The following ANPEP variants were observed in gnomAD, a reference collection of about 807,000 sequenced individuals.
ANPEP encodes alanyl aminopeptidase, membrane, also known as aminopeptidase N.
Under a neutral mutation model 114.6 loss-of-function variants are expected in ANPEP, and 70 were observed. The observed-to-expected ratio is 0.61, with a 90% CI of 0.50 to 0.75. The LOEUF (loss-of-function observed/expected upper bound fraction) is 0.75. Among genes scored for constraint, ANPEP ranks in the 30% least tolerant of loss-of-function variants. ANPEP has a pLI of 0.00. For missense variants in ANPEP, 1,184 were observed against 1,259.5 expected, an observed-to-expected ratio of 0.94 and a Z score of 0.91; for synonymous variants, 548 against 522.3, an observed-to-expected ratio of 1.05 and a Z score of -0.67.
At position 89,799,748 on chromosome 15, in the gene ANPEP, T is replaced by C. The variant is rs1894549562; in HGVS notation, c.1820-189A>G. On this transcript the variant is annotated intron_variant, in intron 12 of 20. Transcript: ENST00000300060. This position sits in a 1 kb window ranked among gnomAD's most constrained non-coding sequence, Gnocchi z 4.2. ...AGTGGCTTCACAGACCATCAACCCA[T>C]GAAGATGACATGCCACCCCAAACCT... 6.6e-6 allele frequency among the ~76,000 whole-genome samples: 1 copy of C among 152,140 alleles called. No individual in the cohort carries two copies. The highest frequency in any genetic ancestry group is 2.1e-4 in the South Asian group (1 of 4,830).
At chr15:89,811,539 G>A (rs1291391104) in intron 1 of ANPEP, among the ~76,000 whole-genome samples, 3 of 151,766 alleles carry the variant, frequency 2.0e-5, no homozygotes, top group African/African-American at 7.3e-5. Flanking sequence ...CCAACTACTC[G>A]GGAGGCTGAG....
chr15:89,790,512 T>A lies in ANPEP; in HGVS notation c.2699A>T (p.Asn900Ile), dbSNP rs757565877. The A allele has an allele frequency of 2.4e-5, 38 of 1,613,326 alleles. No individual in the cohort carries two copies. The highest frequency in any genetic ancestry group is 3.1e-5 in the Non-Finnish European group (36 of 1,179,786). Residue 900 changes from asparagine to isoleucine, a missense_variant, in exon 20 of 21, where the codon AAC becomes ATC. Transcript: ENST00000300060. Reference protein sequence around the residue: ...DYGGGSFSFSNLIQAVTRRFS... With the variant: ...DYGGGSFSFSILIQAVTRRFS... ...TCGTCGTGTCACTGCCTGGATGAGG[T>A]TGGAGAAGGAGAACGAGCCACCACC...
chr15:89,785,916 G>A (rs1021281796), intron 20 of ANPEP, among the ~76,000 whole-genome samples: 2 of 152,128 alleles, frequency 1.3e-5, no homozygotes, highest in Admixed American at 6.5e-5. Flanking sequence ...AGTCCTGGAG[G>A]TTCTAGCCAG....
chr15:89,801,367 T>C (rs1894585980), intron 11 of ANPEP, 68 bp downstream of exon 11: 1 of 1,586,822 alleles, frequency 6.3e-7, no homozygotes, highest in Admixed American at 1.7e-5. Flanking sequence ...CCAGTCCTAC[T>C]ATGGTCCCTT....
intron 20 of ANPEP, among the ~76,000 whole-genome samples, chr15:89,789,486 T>C (rs1482700958): frequency 6.6e-6 from 1 of 152,070 alleles, no homozygotes; most frequent in Non-Finnish European, 1.5e-5. Flanking sequence ...TAAGAATCCC[T>C]TTATTGCTGG....
chr15:89,794,248 C>T (rs1345503488), intron 15 of ANPEP, among the ~76,000 whole-genome samples: 3 of 152,108 alleles, frequency 2.0e-5, no homozygotes, highest in African/African-American at 7.2e-5. Context: ...CTTTGGGAGG[C>T]TGAGGCGGGC....
chr15:89,804,838 C>T, intron 4 of ANPEP: 1 of 812,838 alleles, frequency 1.2e-6, no homozygotes. Flanking sequence ...ATCATCATAG[C>T]CACCGTCTGT....
Position 89,803,924 on chromosome 15 carries a change from G to T in ANPEP, c.1258C>A (p.Leu420Met). ...NEGFASYVEY[L>M]GADYAEPTWN... ...GTGGGCTCCGCATAGTCAGCACCCAGGTACTCCACGTAGGAGGCGAAGCCC... is the reference window on the plus strand; with the variant it reads ...GTGGGCTCCGCATAGTCAGCACCCATGTACTCCACGTAGGAGGCGAAGCCC... The change falls in exon 7 of 21, where the codon CTG (leucine) becomes ATG (methionine). Residue 420 changes from leucine (L) to methionine (M), a missense_variant. Coordinates refer to ENST00000300060, the MANE Select transcript of ANPEP (RefSeq NM_001150.3). This position sits in a 1 kb window ranked among gnomAD's most constrained non-coding sequence, Gnocchi z 4.2. 1.2e-6 allele frequency: 2 copies of T among 1,614,174 alleles called. No individual in the cohort carries two copies. Among genetic ancestry groups the T allele is most frequent in the Non-Finnish European group, 1.7e-6 (2 of 1,180,014 alleles).
intron 1 of ANPEP, among the ~76,000 whole-genome samples, chr15:89,810,088 A>T (rs1404285405): frequency 6.6e-6 from 1 of 152,038 alleles, no homozygotes; most frequent in Non-Finnish European, 1.5e-5. Flanking sequence ...ACTTAGGAAA[A>T]TGCCACTGAG....
Position 89,787,095 on chromosome 15 carries a change from G to C in ANPEP, c.2752-1594C>G, listed in dbSNP as rs578087203. On this transcript the variant is annotated intron_variant, in intron 20 of 20. Transcript: ENST00000300060. ...GAGTCTTGCTCTGTCATCCAGGCTA[G>C]AGTGCAGTGGTGCGATCTCAGCTCA... 6.1e-5 allele frequency among the ~76,000 whole-genome samples: 8 copies of C among 131,566 alleles called. No individual in the cohort carries two copies. The East Asian group carries it at 1.9e-3, about 31-fold the overall frequency. 86.3% of individuals were successfully genotyped at this position (131,566 alleles called of 152,430 possible). A position where few individuals can be genotyped will look rare whatever the true frequency, so the allele number is the denominator to read the frequency against.
At chr15:89,798,649 C>T (rs1031714742) in intron 14 of ANPEP, among the ~76,000 whole-genome samples, 4 of 149,856 alleles carry the variant, frequency 2.7e-5, no homozygotes, top group South Asian at 4.2e-4. Context: ...AAAAAAAAAG[C>T]GGGGGGGCAT....
rs1254830828 is a variant in ANPEP at position 89,799,165 on chromosome 15, G to A, written c.2009+95C>T. The A allele has an allele frequency of 1.4e-6, 2 of 1,448,128 alleles. No homozygotes were observed. Among genetic ancestry groups the A allele is most frequent in the Admixed American group, 1.7e-5 (1 of 57,936 alleles). The allele number at this position is 1,448,128 out of a possible 1,614,324, so 89.7% of individuals were successfully genotyped here. ...CTCAGGGCACAGCACGTGGCATATG[G>A]GAAGGGCAGCAGGAGGAGCAGGGGC... On this transcript the variant is annotated intron_variant, in intron 14 of 20. Transcript: ENST00000300060. This position sits in a 1 kb window ranked among gnomAD's most constrained non-coding sequence, Gnocchi z 4.2.
At chr15:89,810,020 A>G (rs768037694) in intron 1 of ANPEP, among the ~76,000 whole-genome samples, 2 of 151,894 alleles carry the variant, frequency 1.3e-5, no homozygotes, top group Non-Finnish European at 2.9e-5. Context: ...TATCATGCAC[A>G]CCAGCCCCCA....
intron 20 of ANPEP, among the ~76,000 whole-genome samples, chr15:89,786,122 A>C (rs1460892959): frequency 2.0e-5 from 3 of 152,226 alleles, no homozygotes; most frequent in African/African-American, 7.2e-5. Flanking sequence ...GCAATGAAAA[A>C]CCTGAAAATG....
In ANPEP at chr15:89,793,329, A is replaced by T. The variant is rs561351037; in HGVS notation, c.2158-203T>A. On this transcript the variant is annotated intron_variant, in intron 15 of 20. Coordinates refer to ENST00000300060, the MANE Select transcript of ANPEP (RefSeq NM_001150.3). Reference sequence around the variant, plus strand: ...TGAGTTTCTTTCTGCTTAAAGCCTTAGTCAGTTGCAATATTCTTTGTCTAC... The same window carrying T: ...TGAGTTTCTTTCTGCTTAAAGCCTTTGTCAGTTGCAATATTCTTTGTCTAC... 8.8e-5 allele frequency: 44 copies of T among 502,186 alleles called. 1 individual carries two copies. The East Asian group carries it at 1.5e-3, about 17-fold the overall frequency. 31.1% of individuals were successfully genotyped at this position (502,186 alleles called of 1,614,324 possible).
chr15:89,785,175 G>T lies in ANPEP; in HGVS notation c.*174C>A. On this transcript the variant is annotated 3_prime_UTR_variant, in exon 21 of 21. Transcript: ENST00000300060. ...GGCTGGGAGGTGCTCAGGCAGCCTG[G>T]GTCATCAGGAACTAGACTGGCTCAC... The T allele has an allele frequency of 2.4e-6, 2 of 840,226 alleles. No individual in the cohort carries two copies. The highest frequency in any genetic ancestry group is 2.9e-5 in the Admixed American group (1 of 34,592). The allele number at this position is 840,226 out of a possible 1,614,324, so 52.0% of individuals were successfully genotyped here. A position where few individuals can be genotyped will look rare whatever the true frequency, so the allele number is the denominator to read the frequency against.
intron 15 of ANPEP, 182 bp from the exon 16 acceptor site, chr15:89,793,308 T>A (rs1968668231): frequency 1.9e-6 from 1 of 537,110 alleles, no homozygotes; most frequent in Non-Finnish European, 3.3e-6. Flanking sequence ...CTGAGCTGAG[T>A]TTCTTTCTGC....
chr15:89,808,693 G>A (rs1894767329), intron 1 of ANPEP, among the ~76,000 whole-genome samples: 1 of 152,170 alleles, frequency 6.6e-6, no homozygotes, highest in Admixed American at 6.5e-5. Flanking sequence ...CCAGGCCCCA[G>A]CATGTCAGGG....
chr15:89,806,291 C>A lies in ANPEP; in HGVS notation c.293G>T (p.Arg98Met), dbSNP rs1894711955. 1 of 1,614,066 alleles carries A rather than the reference C, an allele frequency of 6.2e-7. No individual in the cohort carries two copies. Among genetic ancestry groups the A allele is most frequent in the Non-Finnish European group, 8.5e-7 (1 of 1,180,044 alleles). The change falls in exon 2 of 21, where the codon AGG becomes ATG. Residue 98 changes from arginine to methionine, a missense_variant. By Grantham distance (91) the Arg-to-Met change is moderately conservative. Transcript: ENST00000300060. The surrounding 1 kb of genome is among the most constrained non-coding windows in gnomAD (Gnocchi z 5.7). ...GGAGCCCTTAAAAACGTACAGGCCC[C>A]TGTCATTGGGGGTGAGGTACGGTCT... The part of the protein sequence containing the change: ...TLRPYLTPND[R>M]GLYVFKGSST...
Sources: gnomAD v4.1 joint callset for allele counts (sites outside exome capture counted in the v4.1 genomes callset) on GRCh38, gnomAD v4.1.1 for gene constraint, Gnocchi (gnomAD v3.1) non-coding constraint, MANE v1.5 for transcripts, NCBI Gene and HGNC (gene_info 2026-07-23, HGNC 2026-07-21) for gene names.